Variants in DLD observed in about 807,000 individuals in gnomAD.
DLD encodes dihydrolipoamide dehydrogenase, also known as dihydrolipoyl dehydrogenase, mitochondrial.
In DLD, 36 loss-of-function variants were observed where a neutral mutation model predicts 62.2. That is an observed-to-expected ratio of 0.58 (90% CI 0.44 to 0.76). DLD has a LOEUF of 0.76. Ranked by LOEUF, DLD falls within the 30% of genes least tolerant of loss-of-function variation. The pLI, the probability that DLD is intolerant of heterozygous loss-of-function variation, is 0.00. For synonymous variants in DLD, 204 were observed against 199.6 expected (o/e 1.02, Z -0.19); for missense variants, 541 against 608.6 (o/e 0.89, Z 1.17).
At chr7:107,895,344 T>C (rs563546459) in intron 2 of DLD, among the ~76,000 whole-genome samples, 86 of 152,348 alleles carry the variant, frequency 5.6e-4, no homozygotes, top group Middle Eastern at 3.4e-3. Flanking sequence ...AATCTTATTA[T>C]GATATAGTCT....
At chr7:107,916,326 C>CT (rs1213233120) in intron 9 of DLD, among the ~76,000 whole-genome samples, 6 of 152,060 alleles carry the variant, frequency 3.9e-5, no homozygotes, top group Non-Finnish European at 8.8e-5. Context: ...TGATAGATCT[C>CT]TTTCATTGTC....
rs74539302 is a variant in DLD at position 107,893,998 on chromosome 7, A to G, written c.118+720A>G. ...ATGACTTTCTTGACATCCTGAATGA[A>G]AGTCTTCATGGGTTTATCAAAAGCA... is the stretch of plus-strand genomic sequence containing the variant. On this transcript the variant is annotated intron_variant, in intron 2 of 13. Transcript: ENST00000205402. Among the ~76,000 whole-genome samples the G allele has an allele frequency of 1.1e-4, 16 of 152,332 alleles. No individual in the cohort carries two copies. The East Asian group carries it at 3.1e-3, about 29-fold the overall frequency.
chr7:107,913,371 A>G (rs1053479892), intron 8 of DLD, among the ~76,000 whole-genome samples: 2 of 152,048 alleles, frequency 1.3e-5, no homozygotes, highest in African/African-American at 4.8e-5. Flanking sequence ...CAGTCCATGA[A>G]CATGAACTAT....
intron 12 of DLD, among the ~76,000 whole-genome samples, chr7:107,918,758 G>T (rs1362243220): frequency 6.6e-6 from 1 of 152,176 alleles, no homozygotes; most frequent in Admixed American, 6.5e-5. Flanking sequence ...TGAAGAAACT[G>T]AATGAAGCAC....
chr7:107,903,574 T>TA, intron 5 of DLD, 27 bp downstream of exon 5: 3 of 1,388,454 alleles, frequency 2.2e-6, no homozygotes, highest in Non-Finnish European at 3.1e-6. Flanking sequence ...TGCTTAATGA[T>TA]ATTACCAGAC....
intron 1 of DLD, chr7:107,891,670 TC>T (rs2031580866): frequency 2.8e-6 from 1 of 356,316 alleles, no homozygotes; most frequent in Non-Finnish European, 5.3e-6. Context: ...CTTTTTCTCA[TC>T]CTAATTCTGA....
intron 3 of DLD, 133 bp from the exon 4 acceptor site, chr7:107,902,192 C>T (rs930077909): frequency 2.7e-6 from 2 of 750,864 alleles, no homozygotes; most frequent in Admixed American, 2.2e-5. Context: ...TTATAAAGGA[C>T]TATATATTTT....
At chr7:107,916,542 C>T (rs994919088) in intron 9 of DLD, among the ~76,000 whole-genome samples, 24 of 151,810 alleles carry the variant, frequency 1.6e-4, no homozygotes, top group South Asian at 2.1e-4. Flanking sequence ...CGTGGTGGCG[C>T]GTGCCTGTAG....
chr7:107,902,156 G>A (rs572595436), intron 3 of DLD, among the ~76,000 whole-genome samples, 169 bp from the exon 4 acceptor site: 1 of 151,650 alleles, frequency 6.6e-6, no homozygotes, highest in South Asian at 2.1e-4. Flanking sequence ...CAGCCCAAAA[G>A]TGTTTATTAT....
intron 2 of DLD, among the ~76,000 whole-genome samples, chr7:107,896,453 T>C: frequency 6.6e-6 from 1 of 152,290 alleles, no homozygotes; most frequent in Admixed American, 6.5e-5. Context: ...CCCAGAGAGA[T>C]TGAGTAATTT....
chr7:107,893,490 G>T, intron 2 of DLD: 2 of 419,790 alleles, frequency 4.8e-6, no homozygotes, highest in East Asian at 3.9e-5. Context: ...CTTGTAATTT[G>T]GTGATAAAAG....
chr7:107,908,780 A>G (rs1440974986), intron 8 of DLD, among the ~76,000 whole-genome samples: 1 of 152,160 alleles, frequency 6.6e-6, no homozygotes, highest in Non-Finnish European at 1.5e-5. Context: ...TTAGTATAAT[A>G]TATCTACATT....
intron 2 of DLD, among the ~76,000 whole-genome samples, chr7:107,897,469 T>A (rs1204015980): frequency 6.6e-6 from 1 of 152,178 alleles, no homozygotes; most frequent in Non-Finnish European, 1.5e-5. Flanking sequence ...AGTATTAAAC[T>A]ATGTCATAGA....
rs1584462095 is a variant in DLD, at chr7:107,901,871, A to G, written c.198+54A>G. On this transcript the variant is annotated intron_variant, in intron 3 of 13. Transcript: ENST00000205402. ...ATTTATTTTAATTTGGGAAGGGTTG[A>G]TCATATTTATAAAGTACTTTGCAGG... 16 of 1,454,608 alleles carry G rather than the reference A, an allele frequency of 1.1e-5. No individual in the cohort carries two copies. The East Asian group carries it at 3.6e-4, about 33-fold the overall frequency. 90.1% of individuals were successfully genotyped at this position (1,454,608 alleles called of 1,614,324 possible). A position where few individuals can be genotyped will look rare whatever the true frequency, so the allele number is the denominator to read the frequency against.
chr7:107,916,921 G>A lies in DLD; in HGVS notation c.1003G>A (p.Gly335Ser). 1 of 1,613,598 alleles carries A rather than the reference G, an allele frequency of 6.2e-7. No homozygotes were observed. The highest frequency in any genetic ancestry group is 8.5e-7 in the Non-Finnish European group (1 of 1,179,940). Residue 335 changes from glycine to serine, a missense_variant, in exon 10 of 14, where the codon GGT (glycine) becomes AGT (serine). Physicochemically the swap from Gly to Ser is moderately conservative, Grantham distance 56. Coordinates refer to ENST00000205402, the MANE Select transcript of DLD (RefSeq NM_000108.5). Reference protein sequence around the residue: ...EELGIELDPRGRIPVNTRFQT... With the variant: ...EELGIELDPRSRIPVNTRFQT... ...GCTGGGAATTGAACTAGATCCCAGA[G>A]GTAGAATTCCAGTCAATACCAGATT...
At position 107,904,938 on chromosome 7, in the gene DLD, A is replaced by G. The variant is rs1562914974; in HGVS notation, c.338-20A>G. 3 of 1,582,888 alleles carry G rather than the reference A, an allele frequency of 1.9e-6. No individual in the cohort carries two copies. Among genetic ancestry groups the G allele is most frequent in the Non-Finnish European group, 2.6e-6 (3 of 1,153,362 alleles). On this transcript the variant is annotated intron_variant, in intron 5 of 13. Transcript: ENST00000205402. ...TCAAGAATTTAGCTAAGAACTAAAG[A>G]TTAATTGAACAAATTACAGTGTCCG...
chr7:107,901,702 A>T, intron 2 of DLD, 36 bp from the exon 3 acceptor site: 4 of 1,548,390 alleles, frequency 2.6e-6, no homozygotes, highest in Non-Finnish European at 3.6e-6. Flanking sequence ...AATATTAAGC[A>T]ATTTACTATT....
At chr7:107,918,935 C>T (rs1040408704) in intron 12 of DLD, 75 bp from the exon 13 acceptor site, 72 of 1,201,048 alleles carry the variant, frequency 6.0e-5, no homozygotes, top group Non-Finnish European at 8.1e-5. Flanking sequence ...TAAAAGCTTC[C>T]CCTCAACAAT....
At chr7:107,917,167 T>C (rs2032290748) in intron 10 of DLD, 106 bp from the exon 11 acceptor site, 1 of 1,351,142 alleles carries the variant, frequency 7.4e-7, no homozygotes, top group East Asian at 2.3e-5. Flanking sequence ...ATTTGATGTA[T>C]TTTTTGGTGA....
Sources: gnomAD v4.1 joint callset for allele counts (sites outside exome capture counted in the v4.1 genomes callset) on GRCh38, gnomAD v4.1.1 for gene constraint, MANE v1.5 for transcripts, NCBI Gene and HGNC (gene_info 2026-07-23, HGNC 2026-07-21) for gene names.